KDM1B: variants seen among roughly 807,000 people sequenced by gnomAD.
KDM1B encodes the protein lysine demethylase 1B.
KDM1B carries 63 observed loss-of-function variants against 107.4 expected under a neutral mutation model. The observed-to-expected ratio is 0.59, with a 90% confidence interval of 0.48 to 0.72. KDM1B has a LOEUF of 0.72. Among genes scored for constraint, KDM1B ranks in the 30% least tolerant of loss-of-function variants. The probability of loss-of-function intolerance (pLI) is 0.00; values close to 1 mark genes in which losing one functional copy is unlikely to be tolerated. For missense variants in KDM1B, 749 were observed against 1,020.8 expected, an observed-to-expected ratio of 0.73 and a Z score of 3.63; for synonymous variants, 363 against 363.9, an observed-to-expected ratio of 1.00 and a Z score of 0.03.
At chr6:18,210,086 A>G (rs1788717713) in intron 17 of KDM1B, among the ~76,000 whole-genome samples, 1 of 152,150 alleles carries the variant, frequency 6.6e-6, no homozygotes, top group Non-Finnish European at 1.5e-5. Context: ...GCACAGCTTC[A>G]GGCTGCACTT....
Position 18,213,553 on chromosome 6 carries a change from C to T in KDM1B, c.1984-103C>T, listed in dbSNP as rs543402010. ...CGGTATTTGGGGTTGTTCTTTCGGG[C>T]AGTGTCTTTGTTTTAGAGTAGAGCT... On this transcript the variant is annotated intron_variant, in intron 18 of 21. Transcript: ENST00000650836. This position sits in a 1 kb window ranked among gnomAD's most constrained non-coding sequence, Gnocchi z 5.9. 1.2e-5 allele frequency: 14 copies of T among 1,151,872 alleles called. No individual in the cohort carries two copies. The African/African-American group carries it at 2.1e-4, about 18-fold the overall frequency. The allele number at this position is 1,151,872 out of a possible 1,614,324, so 71.4% of individuals were successfully genotyped here.
intron 7 of KDM1B, among the ~76,000 whole-genome samples, chr6:18,184,666 G>C (rs1490757504): frequency 7.1e-6 from 1 of 141,428 alleles, no homozygotes; most frequent in Non-Finnish European, 1.5e-5. Flanking sequence ...GCATGCCATT[G>C]TTTGACTATA....
intron 7 of KDM1B, among the ~76,000 whole-genome samples, chr6:18,185,255 C>T (rs1392528903): frequency 6.6e-6 from 1 of 151,356 alleles, no homozygotes; most frequent in Non-Finnish European, 1.5e-5. Context: ...CTTTATTTTC[C>T]ACCAGGAACA....
rs150477141 is a variant in KDM1B at position 18,198,934 on chromosome 6, C to T, written c.1221+1273C>T. ...CTGTAATCCCAGCACTTTGGGAGGCCGAGGTGAGGAGATCGCTTGAGCTCA... is the reference window on the plus strand; with the variant it reads ...CTGTAATCCCAGCACTTTGGGAGGCTGAGGTGAGGAGATCGCTTGAGCTCA... On this transcript the variant is annotated intron_variant, in intron 12 of 21. Coordinates refer to ENST00000650836, the MANE Select transcript of KDM1B (RefSeq NM_001364614.2). 2.9e-3 allele frequency among the ~76,000 whole-genome samples: 406 copies of T among 140,274 alleles called. 3 individuals carry two copies. Among genetic ancestry groups the T allele is most frequent in the African/African-American group, 0.01 (378 of 37,460 alleles). The allele number at this position is 140,274 out of a possible 152,430, so 92.0% of individuals were successfully genotyped here. A position where few individuals can be genotyped will look rare whatever the true frequency, so the allele number is the denominator to read the frequency against.
intron 17 of KDM1B, among the ~76,000 whole-genome samples, chr6:18,208,818 T>C (rs1445251491): frequency 3.4e-5 from 5 of 147,492 alleles, no homozygotes; most frequent in Non-Finnish European, 7.5e-5. Flanking sequence ...CTAATTTTTT[T>C]TTTTTTTTGT....
At position 18,203,331 on chromosome 6, in the gene KDM1B, CTGTG is replaced by C. The variant is rs1054515440; in HGVS notation, c.1531+1676_1531+1679del. ...GTTAAGGTAGGCTCAGCAATTCTTA[CTGTG>C]TAAGTGGGTATTTCATCTTATCAAT... On this transcript the variant is annotated intron_variant, in intron 14 of 21. Coordinates refer to ENST00000650836, the MANE Select transcript of KDM1B (RefSeq NM_001364614.2). This position sits in a 1 kb window ranked among gnomAD's most constrained non-coding sequence, Gnocchi z 5.5. Among the ~76,000 whole-genome samples, 1 of 152,146 alleles carries C rather than the reference CTGTG, an allele frequency of 6.6e-6. No homozygotes were observed. The highest frequency in any genetic ancestry group is 2.4e-5 in the African/African-American group (1 of 41,454).
chr6:18,220,215 G>A (rs1024368914), intron 21 of KDM1B, among the ~76,000 whole-genome samples: 3 of 152,158 alleles, frequency 2.0e-5, no homozygotes, highest in Non-Finnish European at 2.9e-5. Context: ...AGAAGTACAC[G>A]TCTCATTGTT....
rs759956181 is a variant in KDM1B at position 18,197,233 on chromosome 6, T to C, written c.1146T>C (p.Asn382=). 1.9e-6 allele frequency: 3 copies of C among 1,612,186 alleles called. No homozygotes were observed. Among genetic ancestry groups the C allele is most frequent in the Non-Finnish European group, 2.5e-6 (3 of 1,178,806 alleles). ...DQYLLPKDYH[N]KSVIIIGAGP... The stretch of plus-strand genomic sequence containing the variant: ...ATCTTCTCCCTAAGGACTACCACAA[T>C]GTAGGTGATTATAGCTTTAGCGATA... The change falls in exon 11 of 22, where the codon AAT becomes AAC. Residue 382 remains asparagine (N), a splice_region_variant and synonymous_variant. Coordinates refer to ENST00000650836, the MANE Select transcript of KDM1B (RefSeq NM_001364614.2). The surrounding 1 kb of genome is among the most constrained non-coding windows in gnomAD (Gnocchi z 4.5).
intron 7 of KDM1B, among the ~76,000 whole-genome samples, chr6:18,179,127 G>A (rs1336362820): frequency 2.0e-5 from 3 of 152,058 alleles, no homozygotes; most frequent in Non-Finnish European, 4.4e-5. Context: ...AATAGATATT[G>A]GCTAATAGTT....
At chr6:18,195,741 A>C (rs1356303055) in intron 10 of KDM1B, among the ~76,000 whole-genome samples, 2 of 151,838 alleles carry the variant, frequency 1.3e-5, no homozygotes, top group Admixed American at 1.3e-4. Flanking sequence ...ATCAAAAAAA[A>C]AAAAAAAGAG....
At chr6:18,165,101 CT>C (rs1403189504) in intron 5 of KDM1B, among the ~76,000 whole-genome samples, 1 of 125,368 alleles carries the variant, frequency 8.0e-6, no homozygotes, top group Non-Finnish European at 1.8e-5. Flanking sequence ...GCATTTTATT[CT>C]TTTTCCCCTT....
intron 7 of KDM1B, among the ~76,000 whole-genome samples, chr6:18,179,843 T>C (rs147387074): frequency 2.7e-5 from 1 of 37,472 alleles, no homozygotes; most frequent in Non-Finnish European, 6.1e-5. Context: ...AGCATTGGTT[T>C]TTTTTCCTTT....
chr6:18,161,322 C>A lies in KDM1B; in HGVS notation c.88-5C>A. The stretch of plus-strand genomic sequence containing the variant: ...AAATTTTAACATCAGCTGTGACTCC[C>A]TTAGGCGAAGAAGAAAGCAACAGAG... On this transcript the variant is annotated splice_region_variant and splice_polypyrimidine_tract_variant and intron_variant, in intron 3 of 21. Coordinates refer to ENST00000650836, the MANE Select transcript of KDM1B (RefSeq NM_001364614.2). The A allele has an allele frequency of 6.2e-7, 1 of 1,613,546 alleles. No homozygotes were observed. The highest frequency in any genetic ancestry group is 1.1e-5 in the South Asian group (1 of 91,058).
chr6:18,195,592 G>A (rs545130233), intron 10 of KDM1B, among the ~76,000 whole-genome samples: 1 of 151,890 alleles, frequency 6.6e-6, no homozygotes, highest in Admixed American at 6.6e-5. Context: ...AAAATTAGCC[G>A]GGCTTGGTGG....
chr6:18,156,100 C>T (rs959266126), intron 2 of KDM1B, among the ~76,000 whole-genome samples, 174 bp downstream of exon 2: 1 of 152,114 alleles, frequency 6.6e-6, no homozygotes, highest in African/African-American at 2.4e-5. Flanking sequence ...TCTTCCCGGC[C>T]GATAGGGTGC....
chr6:18,175,291 A>G (rs951688114), intron 7 of KDM1B, among the ~76,000 whole-genome samples: 15 of 152,124 alleles, frequency 9.9e-5, no homozygotes, highest in Admixed American at 1.3e-4. Context: ...ATCTACTTTG[A>G]GAATTGTCTA....
chr6:18,215,918 T>G (rs1789192955), intron 20 of KDM1B, among the ~76,000 whole-genome samples: 2 of 152,192 alleles, frequency 1.3e-5, no homozygotes, highest in Non-Finnish European at 1.5e-5. Context: ...TCAGGATACT[T>G]TGTTTGCCAG....
Position 18,186,090 on chromosome 6 carries a change from G to A in KDM1B, c.573+280G>A, listed in dbSNP as rs1015994378. 2.6e-5 allele frequency among the ~76,000 whole-genome samples: 4 copies of A among 152,182 alleles called. No individual in the cohort carries two copies. Among genetic ancestry groups the A allele is most frequent in the African/African-American group, 7.2e-5 (3 of 41,440 alleles). ...TCTCCTGCCTTGCTCTAGGGCTCAG[G>A]CTTGCTGTACTTGTTTTTCAAGGAT... is the stretch of plus-strand genomic sequence containing the variant. On this transcript the variant is annotated intron_variant, in intron 8 of 21. Coordinates refer to ENST00000650836, the MANE Select transcript of KDM1B (RefSeq NM_001364614.2). This position sits in a 1 kb window ranked among gnomAD's most constrained non-coding sequence, Gnocchi z 5.6.
rs765904272 is a variant in KDM1B at position 18,197,675 on chromosome 6, G to A, written c.1221+14G>A. Reference sequence around the variant, plus strand: ...TTTGGAATTAAGGTAGGATTTTGGGGACATGGAGTTAGAACAGATGGTTGA... The same window carrying A: ...TTTGGAATTAAGGTAGGATTTTGGGAACATGGAGTTAGAACAGATGGTTGA... On this transcript the variant is annotated intron_variant, in intron 12 of 21. Coordinates refer to ENST00000650836, the MANE Select transcript of KDM1B (RefSeq NM_001364614.2). The surrounding 1 kb of genome is among the most constrained non-coding windows in gnomAD (Gnocchi z 4.5). 2.5e-6 allele frequency: 4 copies of A among 1,607,668 alleles called. No homozygotes were observed. Among genetic ancestry groups the A allele is most frequent in the Non-Finnish European group, 3.4e-6 (4 of 1,174,388 alleles).
Sources: allele counts gnomAD v4.1 joint callset (sites outside exome capture counted in the v4.1 genomes callset), GRCh38; gene constraint gnomAD v4.1.1; non-coding constraint Gnocchi (gnomAD v3.1); transcripts MANE v1.5; gene names NCBI Gene and HGNC (gene_info 2026-07-23, HGNC 2026-07-21).